The following MAP3K3 variants were observed in gnomAD, a reference collection of about 807,000 sequenced individuals.
The protein encoded by MAP3K3 is mitogen-activated protein kinase kinase kinase 3.
In MAP3K3, 12 loss-of-function variants were observed where a neutral mutation model predicts 80.9. The observed-to-expected ratio is 0.15, with a 90% confidence interval of 0.10 to 0.24. The LOEUF (loss-of-function observed/expected upper bound fraction) is 0.24, where lower values mean the gene tolerates loss of function less well. MAP3K3 is among the 10% of genes least tolerant of loss of function. The pLI is 1.00. For synonymous variants in MAP3K3, 272 were observed against 307.1 expected, an observed-to-expected ratio of 0.89 and a Z score of 1.19; for missense variants, 596 against 834.7, an observed-to-expected ratio of 0.71 and a Z score of 3.52.
chr17:63,632,835 T>G (rs1298183444), intron 2 of MAP3K3, 33 bp downstream of exon 2: 4 of 1,612,298 alleles, frequency 2.5e-6, no homozygotes, highest in Non-Finnish European at 3.4e-6. Context: ...TAAGTGAGAT[T>G]TGTTGGGGAG....
At chr17:63,629,009 CA>C (rs2034163365) in intron 1 of MAP3K3, among the ~76,000 whole-genome samples, 1 of 152,140 alleles carries the variant, frequency 6.6e-6, no homozygotes, top group Non-Finnish European at 1.5e-5. Flanking sequence ...CTCCATTTTA[CA>C]GATGAGGAAA....
chr17:63,687,183 T>C (rs1173732274), intron 8 of MAP3K3, among the ~76,000 whole-genome samples: 1 of 142,410 alleles, frequency 7.0e-6, no homozygotes, highest in Non-Finnish European at 1.5e-5. Context: ...CTGACCAGCA[T>C]AGCGAAACCC....
chr17:63,690,912 A>T, intron 12 of MAP3K3, 190 bp from the exon 13 acceptor site: 1 of 631,606 alleles, frequency 1.6e-6, no homozygotes, highest in East Asian at 2.8e-5. Context: ...CACCCATGGG[A>T]GTGCCACCAT....
chr17:63,636,585 G>T, intron 2 of MAP3K3: 1 of 168,956 alleles, frequency 5.9e-6, no homozygotes, highest in South Asian at 1.4e-4. Flanking sequence ...ATAGTGAAAA[G>T]AGTGCTGGCC....
chr17:63,667,186 CT>C, intron 6 of MAP3K3, 126 bp downstream of exon 6: 1 of 985,228 alleles, frequency 1.0e-6, no homozygotes, highest in Non-Finnish European at 1.4e-6. Flanking sequence ...TAGAGTAATC[CT>C]TTATGCCTTT....
intron 6 of MAP3K3, among the ~76,000 whole-genome samples, chr17:63,674,513 T>C (rs768210716): frequency 2.0e-5 from 3 of 152,130 alleles, no homozygotes; most frequent in Non-Finnish European, 4.4e-5. Context: ...CCACCATACC[T>C]GGCTAATTTG....
At chr17:63,641,753 A>G (rs763790876) in intron 2 of MAP3K3, among the ~76,000 whole-genome samples, 4 of 152,092 alleles carry the variant, frequency 2.6e-5, no homozygotes, top group Non-Finnish European at 4.4e-5. Flanking sequence ...GGAATCATCT[A>G]TTTAGAGGCC....
At chr17:63,642,170 T>C (rs997112620) in intron 2 of MAP3K3, among the ~76,000 whole-genome samples, 1 of 152,214 alleles carries the variant, frequency 6.6e-6, no homozygotes, top group African/African-American at 2.4e-5. Context: ...AGCATCTTTG[T>C]TTACACTGCT....
At chr17:63,636,386 A>G (rs2034323653) in intron 2 of MAP3K3, among the ~76,000 whole-genome samples, 1 of 152,102 alleles carries the variant, frequency 6.6e-6, no homozygotes, top group South Asian at 2.1e-4. Context: ...CCTTTTGTAT[A>G]TTGGGTCTCT....
chr17:63,654,130 A>G (rs2034716369), intron 4 of MAP3K3, among the ~76,000 whole-genome samples: 1 of 152,120 alleles, frequency 6.6e-6, no homozygotes, highest in Non-Finnish European at 1.5e-5. Context: ...CAGCCTCCCA[A>G]AGTGCTGGGA....
At chr17:63,635,680 T>C (rs957400531) in intron 2 of MAP3K3, among the ~76,000 whole-genome samples, 1 of 152,220 alleles carries the variant, frequency 6.6e-6, no homozygotes, top group African/African-American at 2.4e-5. Flanking sequence ...TAATAATCAT[T>C]TAACATCGGA....
intron 3 of MAP3K3, among the ~76,000 whole-genome samples, chr17:63,652,172 G>T (rs1189634018): frequency 2.6e-5 from 4 of 152,002 alleles, no homozygotes; most frequent in Admixed American, 6.6e-5. Flanking sequence ...TATTCTTCCT[G>T]ATACTCTCTC....
At chr17:63,631,170 C>T (rs1203726661) in intron 1 of MAP3K3, among the ~76,000 whole-genome samples, 1 of 152,034 alleles carries the variant, frequency 6.6e-6, no homozygotes, top group Non-Finnish European at 1.5e-5. Flanking sequence ...ACCTGTAGTC[C>T]CAGCTACTCT....
intron 8 of MAP3K3, among the ~76,000 whole-genome samples, chr17:63,687,537 A>G (rs933061443): frequency 4.0e-5 from 6 of 151,708 alleles, no homozygotes; most frequent in African/African-American, 1.5e-4. Context: ...AAAAGCAAAA[A>G]AAATTAGCTG....
intron 2 of MAP3K3, among the ~76,000 whole-genome samples, chr17:63,638,760 A>G (rs1330572558): frequency 6.6e-6 from 1 of 152,206 alleles, no homozygotes; most frequent in East Asian, 1.9e-4. Flanking sequence ...AAAGAAATGT[A>G]TGTCGGTCAG....
chr17:63,622,740 C>T lies in MAP3K3; in HGVS notation c.-20C>T, dbSNP rs761989024. The T allele has an allele frequency of 1.9e-5, 10 of 519,708 alleles. No homozygotes were observed. Among genetic ancestry groups the T allele is most frequent in the South Asian group, 7.8e-5 (5 of 64,348 alleles). The allele number at this position is 519,708 out of a possible 1,614,324, so 32.2% of individuals were successfully genotyped here. A position where few individuals can be genotyped will look rare whatever the true frequency, so the allele number is the denominator to read the frequency against. On this transcript the variant is annotated 5_prime_UTR_variant, in exon 1 of 16. Coordinates refer to ENST00000361733, the MANE Select transcript of MAP3K3 (RefSeq NM_002401.5). ...AGGTGACACTCACGGACCTTAGCCACCGCCGCCGCCATCGCCACCATGGGT... is the reference window on the plus strand; with the variant it reads ...AGGTGACACTCACGGACCTTAGCCATCGCCGCCGCCATCGCCACCATGGGT...
At chr17:63,676,385 C>T (rs928721715) in intron 6 of MAP3K3, among the ~76,000 whole-genome samples, 1 of 152,122 alleles carries the variant, frequency 6.6e-6, no homozygotes, top group African/African-American at 2.4e-5. Context: ...GATATTTTAT[C>T]CCAGGGAAGT....
At chr17:63,670,303 C>G (rs1473815865) in intron 6 of MAP3K3, among the ~76,000 whole-genome samples, 3 of 151,950 alleles carry the variant, frequency 2.0e-5, no homozygotes, top group African/African-American at 7.3e-5. Context: ...AAGAAATGGG[C>G]TGGGCATGGT....
chr17:63,647,963 CCTTTA>C (rs1249818122), intron 3 of MAP3K3, among the ~76,000 whole-genome samples: 1 of 152,176 alleles, frequency 6.6e-6, no homozygotes, highest in Non-Finnish European at 1.5e-5. Flanking sequence ...GCTGACTTTC[CCTTTA>C]CTTTGAGAAT....
Sources: gnomAD v4.1 joint callset for allele counts (sites outside exome capture counted in the v4.1 genomes callset) on GRCh38, gnomAD v4.1.1 for gene constraint, MANE v1.5 for transcripts, NCBI Gene and HGNC (gene_info 2026-07-23, HGNC 2026-07-21) for gene names.